GLMN: variants seen among roughly 807,000 people sequenced by gnomAD.
GLMN encodes glomulin.
Under a neutral mutation model 87.8 loss-of-function variants are expected in GLMN, and 75 were observed. That is an observed-to-expected ratio of 0.85 (90% CI 0.71 to 1.04). The LOEUF (loss-of-function observed/expected upper bound fraction) is 1.04, where lower values mean the gene tolerates loss of function less well. Among genes scored for constraint, GLMN ranks in the 50% least tolerant of loss-of-function variants. GLMN has a pLI of 0.00. For missense variants in GLMN, 588 were observed against 658.8 expected, an observed-to-expected ratio of 0.89 and a Z score of 1.18; for synonymous variants, 206 against 221.6, an observed-to-expected ratio of 0.93 and a Z score of 0.63.
chr1:92,300,337 A>G (rs533449197), upstream of GLMN: 5 of 912,104 alleles, frequency 5.5e-6, no homozygotes, highest in East Asian at 7.3e-5. Flanking sequence ...TTTTTTTTAG[A>G]GAAAATTATC....
chr1:92,304,245 A>G, the GLMN span: 19 of 1,330,628 alleles, frequency 1.4e-5, no homozygotes, highest in Middle Eastern at 1.8e-4. Flanking sequence ...CATGTTTATT[A>G]TTTGGATTCT....
chr1:92,338,136 A>C, the GLMN span, among the ~76,000 whole-genome samples: 1 of 152,198 alleles, frequency 6.6e-6, no homozygotes, highest in African/African-American at 2.4e-5. Context: ...ACAAGCACAT[A>C]AAGACATTTT....
the GLMN span, among the ~76,000 whole-genome samples, chr1:92,316,063 C>A: frequency 2.6e-5 from 4 of 152,074 alleles, no homozygotes; most frequent in Non-Finnish European, 1.5e-5. Context: ...CTCTGACAAG[C>A]CTTTGAAGGT....
At chr1:92,279,874 G>T (rs886192058) in intron 7 of GLMN, among the ~76,000 whole-genome samples, 1 of 152,070 alleles carries the variant, frequency 6.6e-6, no homozygotes, top group Admixed American at 6.5e-5. Flanking sequence ...GTCTGAGATC[G>T]ACCTGCGAGG....
At chr1:92,247,236 T>C in intron 17 of GLMN, 92 bp from the exon 18 acceptor site, 1 of 767,540 alleles carries the variant, frequency 1.3e-6, no homozygotes, top group Non-Finnish European at 2.4e-6. Context: ...TTAAAACATG[T>C]CAGTTATTTG....
chr1:92,286,674 A>G, intron 6 of GLMN, 82 bp from the exon 7 acceptor site: 1 of 769,432 alleles, frequency 1.3e-6, no homozygotes, highest in East Asian at 2.5e-5. Flanking sequence ...AGTTAATTTT[A>G]CTTGAAAAAT....
At chr1:92,247,178 ACT>A (rs763505318) in intron 17 of GLMN, 34 bp from the exon 18 acceptor site, 2 of 986,872 alleles carry the variant, frequency 2.0e-6, no homozygotes, top group Admixed American at 3.4e-5. Context: ...GTGACACTTA[ACT>A]CTCAGATTTC....
chr1:92,361,024 AC>A, the GLMN span, among the ~76,000 whole-genome samples: 1 of 151,524 alleles, frequency 6.6e-6, no homozygotes, highest in African/African-American at 2.4e-5. Context: ...ACCTTCCATG[AC>A]CCACAAGTCG....
the GLMN span, among the ~76,000 whole-genome samples, chr1:92,357,033 T>A: frequency 4.7e-5 from 7 of 149,242 alleles, no homozygotes; most frequent in African/African-American, 1.5e-4. Context: ...GTCACTGCAC[T>A]CCAGCCTGGG....
intron 15 of GLMN, among the ~76,000 whole-genome samples, chr1:92,263,189 A>C (rs1204240653): frequency 6.6e-6 from 1 of 152,198 alleles, no homozygotes; most frequent in Non-Finnish European, 1.5e-5. Context: ...CTGAATTTTA[A>C]GATTACTTTT....
chr1:92,263,718 G>C lies in GLMN; in HGVS notation c.1314C>G (p.Asn438Lys), dbSNP rs1655293143. Residue 438 changes from asparagine to lysine, a missense_variant, in exon 15 of 19, where the codon AAC becomes AAG. By Grantham distance (94) the Asn-to-Lys change is moderately conservative (BLOSUM62 0). Transcript: ENST00000370360. Reference sequence around the variant, plus strand: ...TCAACTGTGGTCCTGTAAACCATTTGTTGTTACGTGTTCTCTGAAAAGCAA... The same window carrying C: ...TCAACTGTGGTCCTGTAAACCATTTCTTGTTACGTGTTCTCTGAAAAGCAA... ...IDMSLKRTRN[N>K]KWFTGPQLIS... 1 of 1,562,722 alleles carries C rather than the reference G, an allele frequency of 6.4e-7. No individual in the cohort carries two copies. Among genetic ancestry groups the C allele is most frequent in the Non-Finnish European group, 8.8e-7 (1 of 1,133,246 alleles).
rs1649399673 is a variant in GLMN at position 92,291,472 on chromosome 1, A to G, written c.231T>C (p.Asp77=). 6.2e-7 allele frequency: 1 copy of G among 1,604,830 alleles called. No homozygotes were observed. Among genetic ancestry groups the G allele is most frequent in the Non-Finnish European group, 8.5e-7 (1 of 1,171,544 alleles). ...GPVVRCLLCK[D]KEDSKRKVYF... ...AAACTTTTCTTTTACTATCCTCTTT[A>G]TCTTTACACAAAAGGCATCGAACAA... is the stretch of plus-strand genomic sequence containing the variant. The change falls in exon 4 of 19, where the codon GAT becomes GAC. Residue 77 remains aspartate, a synonymous_variant. Coordinates refer to ENST00000370360, the MANE Select transcript of GLMN (RefSeq NM_053274.3).
At chr1:92,251,650 C>T (rs1653508878) in intron 16 of GLMN, among the ~76,000 whole-genome samples, 1 of 152,118 alleles carries the variant, frequency 6.6e-6, no homozygotes, top group Admixed American at 6.5e-5. Context: ...AAGCCACAGA[C>T]TGGAATATTT....
chr1:92,301,382 G>A, upstream of GLMN: 1 of 485,814 alleles, frequency 2.1e-6, no homozygotes. Context: ...AATTTAAGTG[G>A]CAAAATAGTG....
At chr1:92,367,511 T>G in the GLMN span, among the ~76,000 whole-genome samples, 1 of 152,236 alleles carries the variant, frequency 6.6e-6, no homozygotes, top group Non-Finnish European at 1.5e-5. Context: ...CCCTAACTTC[T>G]GAAGGGTGAG....
the GLMN span, chr1:92,307,177 G>A: frequency 3.8e-6 from 6 of 1,591,136 alleles, no homozygotes; most frequent in African/African-American, 1.3e-5. Context: ...GATTTATAAT[G>A]TTCTTTTCAG....
chr1:92,336,979 C>G, the GLMN span, among the ~76,000 whole-genome samples: 1 of 151,990 alleles, frequency 6.6e-6, no homozygotes, highest in Non-Finnish European at 1.5e-5. Context: ...CTAAAACTAT[C>G]AAGATAAAAA....
At chr1:92,323,013 A>G in the GLMN span, among the ~76,000 whole-genome samples, 1 of 147,056 alleles carries the variant, frequency 6.8e-6, no homozygotes, top group Non-Finnish European at 1.5e-5. Flanking sequence ...ATATAAATAT[A>G]TACTTTATAT....
the GLMN span, among the ~76,000 whole-genome samples, chr1:92,354,726 G>A: frequency 6.6e-6 from 1 of 151,932 alleles, no homozygotes; most frequent in Admixed American, 6.6e-5. Context: ...GAAATGGAAA[G>A]TTCATAGTGA....
Sources: allele counts gnomAD v4.1 joint callset (sites outside exome capture counted in the v4.1 genomes callset), GRCh38; gene constraint gnomAD v4.1.1; transcripts MANE v1.5; gene names NCBI Gene and HGNC (gene_info 2026-07-23, HGNC 2026-07-21).